The following EYS variants were observed in gnomAD, a reference collection of about 807,000 sequenced individuals.
The protein encoded by EYS is EGF-like photoreceptor maintenance factor, also known as protein eyes shut homolog.
Under a neutral mutation model 282.1 loss-of-function variants are expected in EYS, and 250 were observed. That is an observed-to-expected ratio of 0.89 (90% CI 0.80 to 0.98). The LOEUF is 0.98. Among genes scored for constraint, EYS ranks in the 50% least tolerant of loss-of-function variants. The pLI is 0.00. For synonymous variants in EYS, 1,355 were observed against 1,282.9 expected (o/e 1.06, Z -1.20); for missense variants, 4,016 against 3,709.0 (o/e 1.08, Z -2.15).
intron 37 of EYS, among the ~76,000 whole-genome samples, chr6:63,791,418 CA>C (rs1770507743): frequency 6.6e-6 from 1 of 151,888 alleles, no homozygotes; most frequent in South Asian, 2.1e-4. Flanking sequence ...ACTAAAAATA[CA>C]AAAACAAAAT....
intron 28 of EYS, among the ~76,000 whole-genome samples, chr6:64,428,923 T>C (rs1406838038): frequency 6.6e-6 from 1 of 152,142 alleles, no homozygotes; most frequent in African/African-American, 2.4e-5. Flanking sequence ...TAAATGCAGC[T>C]GCTATGTGCT....
chr6:64,514,147 A>G (rs551298740), intron 26 of EYS, among the ~76,000 whole-genome samples: 11 of 151,788 alleles, frequency 7.2e-5, no homozygotes, highest in African/African-American at 2.7e-4. Context: ...GAGCTCCCCT[A>G]TTGATTGTGA....
intron 29 of EYS, among the ~76,000 whole-genome samples, chr6:64,308,259 T>C (rs1769534606): frequency 6.6e-6 from 1 of 151,962 alleles, no homozygotes; most frequent in Admixed American, 6.6e-5. Flanking sequence ...TGGGGAAAAA[T>C]GATAACAAAA....
At chr6:64,299,599 G>A (rs141981051) in intron 30 of EYS, among the ~76,000 whole-genome samples, 70 of 152,294 alleles carry the variant, frequency 4.6e-4, no homozygotes, top group African/African-American at 1.6e-3. Context: ...CACAGGGATT[G>A]TTCAGGCTAG....
At chr6:65,331,771 T>A in intron 11 of EYS, 2 of 961,874 alleles carry the variant, frequency 2.1e-6, no homozygotes, top group Non-Finnish European at 2.5e-6. Context: ...CTTTTGTGGC[T>A]TACTACTTTT....
intron 2 of EYS, among the ~76,000 whole-genome samples, chr6:65,621,790 T>C (rs1402888172): frequency 2.0e-5 from 3 of 152,162 alleles, no homozygotes; most frequent in Non-Finnish European, 2.9e-5. Flanking sequence ...CTGTAAAGTA[T>C]AATTTTTATT....
At chr6:65,000,244 C>A (rs1452529677) in intron 13 of EYS, among the ~76,000 whole-genome samples, 1 of 152,044 alleles carries the variant, frequency 6.6e-6, no homozygotes, top group Non-Finnish European at 1.5e-5. Context: ...ACACACCCTG[C>A]AAGGGGGAAA....
intron 19 of EYS, among the ~76,000 whole-genome samples, chr6:64,869,097 A>G (rs564170524): frequency 3.3e-5 from 5 of 151,554 alleles, no homozygotes; most frequent in African/African-American, 1.2e-4. Flanking sequence ...ATCATACCTT[A>G]CACTTCATTT....
intron 22 of EYS, among the ~76,000 whole-genome samples, chr6:64,645,542 G>A (rs1768319182): frequency 6.6e-6 from 1 of 152,166 alleles, no homozygotes; most frequent in African/African-American, 2.4e-5. Context: ...ACGGCGTGGA[G>A]ATGAGTAAGA....
chr6:64,815,836 T>C (rs934850081), intron 21 of EYS, among the ~76,000 whole-genome samples: 1 of 151,948 alleles, frequency 6.6e-6, no homozygotes, highest in African/African-American at 2.4e-5. Flanking sequence ...TGCCAGGAAA[T>C]GTACAGGAGC....
chr6:64,066,034 A>G lies in EYS; in HGVS notation c.6725+304T>C, dbSNP rs79635150. 8.8e-3 allele frequency among the ~76,000 whole-genome samples: 1,338 copies of G among 152,142 alleles called. 13 individuals are homozygous for G. Among genetic ancestry groups the G allele is most frequent in the Non-Finnish European group, 0.014 (922 of 67,988 alleles). On this transcript the variant is annotated intron_variant, in intron 33 of 42. Transcript: ENST00000503581. The stretch of plus-strand genomic sequence containing the variant: ...ATCCCAAGACTTTGGTAGGCCTAGG[A>G]GGATGAATCATGAGGTCAGGAGTTT...
chr6:64,968,656 A>T (rs775006341), intron 14 of EYS, among the ~76,000 whole-genome samples: 1 of 152,122 alleles, frequency 6.6e-6, no homozygotes, highest in Non-Finnish European at 1.5e-5. Flanking sequence ...TCTGCTTGTC[A>T]AAAGCTGGAT....
chr6:64,448,475 A>C lies in EYS; in HGVS notation c.5645-9123T>G, dbSNP rs547709442. Among the ~76,000 whole-genome samples the C allele has an allele frequency of 9.2e-5, 14 of 152,344 alleles. 1 individual carries two copies. Among genetic ancestry groups the C allele is most frequent in the Admixed American group, 5.9e-4 (9 of 15,300 alleles). On this transcript the variant is annotated intron_variant, in intron 26 of 42. Transcript: ENST00000503581. ...AGACAGCAATAACCTCTGCAGACTT[A>C]AATGTCCCTGTCCGATAGCTTTGAA...
intron 31 of EYS, among the ~76,000 whole-genome samples, chr6:64,208,869 A>T (rs1277285455): frequency 2.6e-5 from 4 of 152,152 alleles, no homozygotes; most frequent in African/African-American, 9.6e-5. Context: ...TTCCACTGTA[A>T]TTGCTCATGT....
chr6:65,680,097 C>CACACAA (rs998811928), intron 1 of EYS, among the ~76,000 whole-genome samples: 1 of 151,150 alleles, frequency 6.6e-6, no homozygotes, highest in Non-Finnish European at 1.5e-5. Flanking sequence ...CACACACACA[C>CACACAA]ACACACACAC....
chr6:64,375,601 G>C (rs1243535330), intron 29 of EYS, among the ~76,000 whole-genome samples: 1 of 152,172 alleles, frequency 6.6e-6, no homozygotes, highest in Non-Finnish European at 1.5e-5. Flanking sequence ...AGAGTCTTCA[G>C]GTGCTTACAA....
At chr6:65,168,602 G>T (rs914934778) in intron 12 of EYS, among the ~76,000 whole-genome samples, 4 of 150,934 alleles carry the variant, frequency 2.7e-5, no homozygotes, top group African/African-American at 9.7e-5. Context: ...TGCCTTAAAG[G>T]CTCCACCCAC....
intron 31 of EYS, among the ~76,000 whole-genome samples, chr6:64,157,684 C>T (rs1356800155): frequency 6.6e-6 from 1 of 152,182 alleles, no homozygotes; most frequent in Non-Finnish European, 1.5e-5. Flanking sequence ...GTGGAAGCCC[C>T]AAGGCTTGGA....
At chr6:65,339,498 A>C (rs574440131) in intron 10 of EYS, among the ~76,000 whole-genome samples, 14 of 151,154 alleles carry the variant, frequency 9.3e-5, no homozygotes, top group Non-Finnish European at 1.6e-4. Flanking sequence ...AATTGTTGTT[A>C]ATCTCTTTTT....
Sources: gnomAD v4.1 joint callset for allele counts (sites outside exome capture counted in the v4.1 genomes callset) on GRCh38, gnomAD v4.1.1 for gene constraint, MANE v1.5 for transcripts, NCBI Gene and HGNC (gene_info 2026-07-23, HGNC 2026-07-21) for gene names.